Variants in ZNF680 observed in about 807,000 individuals in gnomAD.
The protein encoded by ZNF680 is hypothetical protein FLJ90430.
ZNF680 carries 6 observed loss-of-function variants against 12.1 expected under a neutral mutation model. That is an observed-to-expected ratio of 0.49 (90% CI 0.27 to 0.98). The LOEUF is 0.98. Among genes scored for constraint, ZNF680 ranks in the 50% least tolerant of loss-of-function variants. The pLI, the probability that ZNF680 is intolerant of heterozygous loss-of-function variation, is 0.12. For synonymous variants in ZNF680, 170 were observed against 199.3 expected (o/e 0.85, Z 1.24); for missense variants, 561 against 616.3 (o/e 0.91, Z 0.95).
In ZNF680 at chr7:64,538,654, G is replaced by A. The variant is rs138090072; in HGVS notation, c.253+5053C>T. 9.2e-5 allele frequency among the ~76,000 whole-genome samples: 14 copies of A among 152,216 alleles called. No homozygotes were observed. In the East Asian group the frequency reaches 1.5e-3, roughly 17 times the overall value. Reference sequence around the variant, plus strand: ...CAATGAAAATTTGCAACAAAAACACGTTAATTGTTGGTGCAAAACAAGGAT... The same window carrying A: ...CAATGAAAATTTGCAACAAAAACACATTAATTGTTGGTGCAAAACAAGGAT... On this transcript the variant is annotated intron_variant, in intron 3 of 3. Transcript: ENST00000309683.
At chr7:64,561,015 ACT>A (rs376703581) in intron 1 of ZNF680, 1 of 151,664 alleles carries the variant, frequency 6.6e-6, no homozygotes, top group African/African-American at 2.4e-5. Context: ...TTTGTCTTTC[ACT>A]CTTTTTTCAT....
downstream of ZNF680, among the ~76,000 whole-genome samples, chr7:64,518,767 T>C (rs540264580): frequency 2.0e-5 from 3 of 151,966 alleles, no homozygotes; most frequent in East Asian, 5.8e-4. Flanking sequence ...GAACAAATAA[T>C]GGAGGGATGT....
chr7:64,554,428 C>T (rs913483115), intron 1 of ZNF680, among the ~76,000 whole-genome samples: 2 of 151,964 alleles, frequency 1.3e-5, no homozygotes, highest in Non-Finnish European at 2.9e-5. Context: ...CAGCCCCCAC[C>T]CGGCCGCTGC....
At chr7:64,515,000 G>A (rs149784827), downstream of ZNF680, among the ~76,000 whole-genome samples, 13 of 151,860 alleles carry the variant, frequency 8.6e-5, no homozygotes, top group Non-Finnish European at 7.4e-5. Context: ...CCAAGATCGC[G>A]CCATTGCACT....
At chr7:64,504,469 ACGTTT>A in the ZNF680 span, among the ~76,000 whole-genome samples, 268 of 152,348 alleles carry the variant, frequency 1.8e-3, 2 homozygotes, top group African/African-American at 5.9e-3. Context: ...AATTTGGTTT[ACGTTT>A]AACTGTTTCT....
At chr7:64,549,893 G>T (rs538419464) in intron 1 of ZNF680, among the ~76,000 whole-genome samples, 1 of 152,148 alleles carries the variant, frequency 6.6e-6, no homozygotes, top group Non-Finnish European at 1.5e-5. Flanking sequence ...TAAGGCAGGA[G>T]AATCAGTTGA....
intron 3 of ZNF680, among the ~76,000 whole-genome samples, chr7:64,530,607 T>G (rs1460781140): frequency 1.3e-5 from 2 of 152,112 alleles, no homozygotes; most frequent in African/African-American, 4.8e-5. Context: ...GCTGGTTCAA[T>G]CCCAGCACTT....
Position 64,521,055 on chromosome 7 carries a change from T to C in ZNF680, c.*106A>G. ...CTTATAAAGTTTTCTCCAATATAAA[T>C]TATCTTACCTACAAGCAAGTGTAAC... On this transcript the variant is annotated 3_prime_UTR_variant, in exon 4 of 4. Coordinates refer to ENST00000309683, the MANE Select transcript of ZNF680 (RefSeq NM_178558.5). 8.0e-7 allele frequency: 1 copy of C among 1,248,136 alleles called. No individual in the cohort carries two copies. The highest frequency in any genetic ancestry group is 1.5e-5 in the South Asian group (1 of 64,914). The allele number at this position is 1,248,136 out of a possible 1,614,324, so 77.3% of individuals were successfully genotyped here.
chr7:64,501,361 G>A, the ZNF680 span: 2 of 1,224,774 alleles, frequency 1.6e-6, no homozygotes, highest in Non-Finnish European at 2.4e-6. Context: ...TGGACAGCAG[G>A]GATCTTCCAA....
At chr7:64,554,233 C>CGGCG (rs1290016946) in intron 1 of ZNF680, among the ~76,000 whole-genome samples, 1 of 150,844 alleles carries the variant, frequency 6.6e-6, no homozygotes, top group African/African-American at 2.4e-5. Context: ...TCTGCCCGGC[C>CGGCG]GCGACCCCGT....
At chr7:64,527,767 A>G (rs1791948408) in intron 3 of ZNF680, among the ~76,000 whole-genome samples, 1 of 152,000 alleles carries the variant, frequency 6.6e-6, no homozygotes, top group South Asian at 2.1e-4. Context: ...CAAGAATTTG[A>G]GGACAAATCT....
At chr7:64,514,562 AT>A in the ZNF680 span, among the ~76,000 whole-genome samples, 2 of 152,130 alleles carry the variant, frequency 1.3e-5, no homozygotes, top group African/African-American at 4.8e-5. Context: ...TAATAAAAAA[AT>A]TCTATAATAA....
chr7:64,531,032 G>A (rs1011234463), intron 3 of ZNF680, among the ~76,000 whole-genome samples: 2 of 152,030 alleles, frequency 1.3e-5, no homozygotes, highest in Non-Finnish European at 2.9e-5. Flanking sequence ...CACAGTAAGA[G>A]TGGGGAATTT....
At chr7:64,519,196 C>T (rs1791416531), downstream of ZNF680, among the ~76,000 whole-genome samples, 1 of 151,018 alleles carries the variant, frequency 6.6e-6, no homozygotes, top group African/African-American at 2.4e-5. Context: ...ATAGACAATT[C>T]TCAAAAGAAG....
At chr7:64,513,930 C>T in the ZNF680 span, among the ~76,000 whole-genome samples, 2 of 152,150 alleles carry the variant, frequency 1.3e-5, no homozygotes, top group African/African-American at 4.8e-5. Context: ...AGGCGTGAGC[C>T]ACCACACCTG....
downstream of ZNF680, among the ~76,000 whole-genome samples, chr7:64,517,928 A>G (rs1562727729): frequency 6.6e-6 from 1 of 152,098 alleles, no homozygotes; most frequent in Non-Finnish European, 1.5e-5. Flanking sequence ...TACAAAGGAC[A>G]TATCTCAATG....
intron 3 of ZNF680, among the ~76,000 whole-genome samples, chr7:64,530,912 A>C (rs1785839660): frequency 6.6e-6 from 1 of 150,664 alleles, no homozygotes; most frequent in Non-Finnish European, 1.5e-5. Flanking sequence ...AATAATAATA[A>C]AAGGCCTTGT....
chr7:64,529,735 C>T (rs1039849098), intron 3 of ZNF680, among the ~76,000 whole-genome samples: 4 of 152,026 alleles, frequency 2.6e-5, no homozygotes, highest in Admixed American at 2.6e-4. Flanking sequence ...GGGTTGATAA[C>T]CGAGAAAAGC....
chr7:64,502,445 C>T, the ZNF680 span, among the ~76,000 whole-genome samples: 34 of 152,256 alleles, frequency 2.2e-4, no homozygotes, highest in East Asian at 6.4e-3. Context: ...CTCCTAAAAG[C>T]AGCTGAGTTA....
Sources: gnomAD v4.1 joint callset for allele counts (sites outside exome capture counted in the v4.1 genomes callset) on GRCh38, gnomAD v4.1.1 for gene constraint, MANE v1.5 for transcripts, NCBI Gene and HGNC (gene_info 2026-07-23, HGNC 2026-07-21) for gene names.